Variants in COL22A1 observed in about 807,000 individuals in gnomAD.
COL22A1 encodes the protein collagen alpha-1(XXII) chain.
A neutral mutation model predicts 248.9 loss-of-function variants in COL22A1; 221 were observed. That is an observed-to-expected ratio of 0.89 (90% confidence interval 0.80 to 0.99). The LOEUF (loss-of-function observed/expected upper bound fraction) is 0.99, where lower values mean the gene tolerates loss of function less well. COL22A1 is among the 50% of genes least tolerant of loss of function. The probability of loss-of-function intolerance (pLI) is 0.00; values close to 1 mark genes in which losing one functional copy is unlikely to be tolerated. For synonymous variants in COL22A1, 891 were observed against 793.4 expected (o/e 1.12, Z -2.07); for missense variants, 2,240 against 2,179.0 (o/e 1.03, Z -0.56).
intron 47 of COL22A1, among the ~76,000 whole-genome samples, chr8:138,641,870 G>C (rs890944850): frequency 2.6e-5 from 4 of 152,180 alleles, no homozygotes; most frequent in African/African-American, 9.7e-5. Context: ...ACATCCCCAA[G>C]TCTAGTGGAG....
chr8:138,762,847 T>C lies in COL22A1; in HGVS notation c.1804-381A>G, dbSNP rs996872780. Among the ~76,000 whole-genome samples the C allele has an allele frequency of 2.6e-5, 4 of 152,196 alleles. No individual in the cohort carries two copies. In the East Asian group the frequency reaches 7.7e-4, roughly 29 times the overall value. ...GCAGGTGTATTTTATGCATCATTCA[T>C]TTGTCCCGTAAACACGTGTGAACAT... On this transcript the variant is annotated intron_variant, in intron 16 of 64. Coordinates refer to ENST00000303045, the MANE Select transcript of COL22A1 (RefSeq NM_152888.3).
intron 1 of COL22A1, among the ~76,000 whole-genome samples, chr8:138,897,198 G>T (rs922617830): frequency 1.3e-5 from 2 of 152,036 alleles, no homozygotes; most frequent in African/African-American, 4.8e-5. Flanking sequence ...GAGAAGGAAG[G>T]AGACATTTAC....
chr8:138,877,045 C>T (rs1254795859), intron 3 of COL22A1, among the ~76,000 whole-genome samples: 1 of 152,204 alleles, frequency 6.6e-6, no homozygotes, highest in Non-Finnish European at 1.5e-5. Flanking sequence ...CAGAATGACC[C>T]CCACTAAATC....
chr8:138,780,799 A>T (rs576640214), intron 13 of COL22A1, 128 bp downstream of exon 13: 97 of 786,166 alleles, frequency 1.2e-4, no homozygotes, highest in Middle Eastern at 7.0e-4. Flanking sequence ...CGAGGATCCT[A>T]ATATAAATAC....
At chr8:138,704,502 C>A (rs2131003352) in intron 30 of COL22A1, among the ~76,000 whole-genome samples, 1 of 152,260 alleles carries the variant, frequency 6.6e-6, no homozygotes, top group South Asian at 2.1e-4. Context: ...CTGCTGATAC[C>A]CAGGCAAACA....
At chr8:138,613,614 T>C (rs1819079474) in intron 56 of COL22A1, among the ~76,000 whole-genome samples, 1 of 151,770 alleles carries the variant, frequency 6.6e-6, no homozygotes, top group African/African-American at 2.4e-5. Context: ...GGCAAGGTCC[T>C]ATAGAGCTCC....
intron 31 of COL22A1, among the ~76,000 whole-genome samples, chr8:138,700,734 CA>C (rs1827887310): frequency 6.6e-6 from 1 of 152,196 alleles, no homozygotes; most frequent in Admixed American, 6.5e-5. Flanking sequence ...CCTGAAATCC[CA>C]GCACTTTGGG....
chr8:138,847,799 T>TA (rs11326722), intron 3 of COL22A1, among the ~76,000 whole-genome samples: 16,283 of 139,640 alleles, frequency 0.12, 971 homozygotes, highest in Middle Eastern at 0.21. Flanking sequence ...GGCATAAGAT[T>TA]AAAAAAAAAA....
rs183811144 is a variant in COL22A1, at chr8:138,824,057, T to C, written c.969+2601A>G. On this transcript the variant is annotated intron_variant, in intron 6 of 64. Transcript: ENST00000303045. ...AAGGAAGACTGGGATTTATTTTAAT[T>C]CCATCACCTATTTTATGCTATGAGT... Among the ~76,000 whole-genome samples, 28 of 152,316 alleles carry C rather than the reference T, an allele frequency of 1.8e-4. No homozygotes were observed. In the East Asian group the frequency reaches 5.2e-3, roughly 28 times the overall value.
chr8:138,659,653 C>G lies in COL22A1; in HGVS notation c.3285+783G>C, dbSNP rs112321381. ...CTTCCCTAGAGGGTCCACCTATAGCCAGGCTACTCAGCTAAACCATTGGGG... is the reference window on the plus strand; with the variant it reads ...CTTCCCTAGAGGGTCCACCTATAGCGAGGCTACTCAGCTAAACCATTGGGG... On this transcript the variant is annotated intron_variant, in intron 44 of 64. Coordinates refer to ENST00000303045, the MANE Select transcript of COL22A1 (RefSeq NM_152888.3). Among the ~76,000 whole-genome samples, 187 of 152,312 alleles carry G rather than the reference C, an allele frequency of 1.2e-3. 1 individual carries two copies. Among genetic ancestry groups the G allele is most frequent in the African/African-American group, 4.3e-3 (179 of 41,560 alleles).
rs565897334 is a variant in COL22A1 at position 138,660,941 on chromosome 8, CACAT to C, written c.3241-465_3241-462del. On this transcript the variant is annotated intron_variant, in intron 43 of 64. Transcript: ENST00000303045. ...ACACACACACAGACACACAGACACA[CACAT>C]AAACACACAGACACACACGCACACA... Among the ~76,000 whole-genome samples, 142 of 69,828 alleles carry C rather than the reference CACAT, an allele frequency of 2.0e-3. 2 individuals carry two copies. In the East Asian group the frequency reaches 0.053, roughly 26 times the overall value. 45.8% of individuals were successfully genotyped at this position (69,828 alleles called of 152,430 possible).
chr8:138,696,406 T>C (rs1827505911), intron 32 of COL22A1, among the ~76,000 whole-genome samples: 1 of 152,092 alleles, frequency 6.6e-6, no homozygotes, highest in African/African-American at 2.4e-5. Context: ...GGGAGGGCCA[T>C]GGATGCATCT....
intron 22 of COL22A1, among the ~76,000 whole-genome samples, chr8:138,744,123 G>A (rs561744794): frequency 6.6e-6 from 1 of 152,264 alleles, no homozygotes; most frequent in Admixed American, 6.5e-5. Flanking sequence ...TCAAACAGTA[G>A]CCTAGGATCC....
chr8:138,816,417 T>C (rs1479854570), intron 7 of COL22A1, among the ~76,000 whole-genome samples: 1 of 152,250 alleles, frequency 6.6e-6, no homozygotes, highest in Non-Finnish European at 1.5e-5. Flanking sequence ...CTCCGGTTTC[T>C]GCCCTCAGCA....
intron 35 of COL22A1, among the ~76,000 whole-genome samples, chr8:138,692,412 T>A (rs1456636692): frequency 6.6e-6 from 1 of 151,092 alleles, no homozygotes; most frequent in Non-Finnish European, 1.5e-5. Flanking sequence ...TGTGTGTATG[T>A]GTGTGTGCAC....
At chr8:138,828,509 C>T (rs1045918748) in intron 5 of COL22A1, among the ~76,000 whole-genome samples, 1 of 152,100 alleles carries the variant, frequency 6.6e-6, no homozygotes, top group Non-Finnish European at 1.5e-5. Context: ...TTCTCAGATT[C>T]AATAAAGCAC....
intron 1 of COL22A1, among the ~76,000 whole-genome samples, chr8:138,909,003 T>C (rs1031657345): frequency 6.6e-6 from 1 of 152,152 alleles, no homozygotes; most frequent in Non-Finnish European, 1.5e-5. Flanking sequence ...TAGAATCCAG[T>C]CACCAGATGA....
intron 52 of COL22A1, among the ~76,000 whole-genome samples, chr8:138,622,561 A>T (rs1270784479): frequency 6.6e-6 from 1 of 152,214 alleles, no homozygotes; most frequent in Non-Finnish European, 1.5e-5. Context: ...TGGAAAAGAA[A>T]GTTGTCTTCC....
intron 7 of COL22A1, among the ~76,000 whole-genome samples, chr8:138,819,821 G>T (rs1420306705): frequency 6.6e-6 from 1 of 151,338 alleles, no homozygotes; most frequent in Non-Finnish European, 1.5e-5. Flanking sequence ...TGAAATACAT[G>T]GGAAAGTTAA....
Sources: allele counts gnomAD v4.1 joint callset (sites outside exome capture counted in the v4.1 genomes callset), GRCh38; gene constraint gnomAD v4.1.1; transcripts MANE v1.5; gene names NCBI Gene and HGNC (gene_info 2026-07-23, HGNC 2026-07-21).